RAD52: variants seen among roughly 807,000 people sequenced by gnomAD.
RAD52 encodes DNA repair protein RAD52 homolog.
In RAD52, 47 loss-of-function variants were observed where a neutral mutation model predicts 55.5. The observed-to-expected ratio is 0.85, with a 90% CI of 0.67 to 1.08. RAD52 has a LOEUF of 1.08. Ranked by LOEUF, RAD52 falls within the 50% of genes least tolerant of loss-of-function variation. The pLI is 0.00. For missense variants in RAD52, 468 were observed against 522.8 expected (o/e 0.90, Z 1.02); for synonymous variants, 184 against 198.9 (o/e 0.92, Z 0.63).
At chr12:984,197 T>A (rs539996435) in intron 1 of RAD52, among the ~76,000 whole-genome samples, 2 of 152,094 alleles carry the variant, frequency 1.3e-5, no homozygotes, top group Non-Finnish European at 2.9e-5. Context: ...TCTGTCTCTA[T>A]GAATTTTTTT....
At chr12:990,820 G>T (rs1959175647), upstream of RAD52, among the ~76,000 whole-genome samples, 1 of 152,010 alleles carries the variant, frequency 6.6e-6, no homozygotes, top group Non-Finnish European at 1.5e-5. Flanking sequence ...GGGAAGACAC[G>T]AAGCGGCTCC....
At chr12:965,824 T>C (rs1300047956) in intron 1 of RAD52, among the ~76,000 whole-genome samples, 1 of 151,932 alleles carries the variant, frequency 6.6e-6, no homozygotes, top group Non-Finnish European at 1.5e-5. Context: ...GTAGCTGGGA[T>C]TACACATATG....
At position 927,167 on chromosome 12, in the gene RAD52, C is replaced by T. The variant is rs1475062733; in HGVS notation, c.445G>A (p.Asp149Asn). The change falls in exon 6 of 12, where the codon GAC becomes AAC. Residue 149 changes from aspartate (D) to asparagine (N), a missense_variant. By Grantham distance (23) the Asp-to-Asn change is conservative. Transcript: ENST00000358495. Reference sequence around the variant, plus strand: ...CACCTGAGGGCTCGCTTCAGCCCGTCTGTCACCGCCTCCTTCCTTGCCTTC... The same window carrying T: ...CACCTGAGGGCTCGCTTCAGCCCGTTTGTCACCGCCTCCTTCCTTGCCTTC... ...LEKARKEAVTDGLKRALRSFG... is the reference protein window; with the variant it reads ...LEKARKEAVTNGLKRALRSFG... 5 of 1,614,064 alleles carry T rather than the reference C, an allele frequency of 3.1e-6. No individual in the cohort carries two copies. The highest frequency in any genetic ancestry group is 3.3e-5 in the Admixed American group (2 of 59,998).
chr12:949,248 C>T (rs1013443203), intron 1 of RAD52, among the ~76,000 whole-genome samples: 2 of 152,170 alleles, frequency 1.3e-5, no homozygotes, highest in African/African-American at 4.8e-5. Flanking sequence ...TGCAACTCAA[C>T]TTCGTTTAGC....
At chr12:936,568 C>T (rs927313789) in intron 1 of RAD52, among the ~76,000 whole-genome samples, 1 of 151,432 alleles carries the variant, frequency 6.6e-6, no homozygotes, top group African/African-American at 2.4e-5. Context: ...TCATAGCATA[C>T]TGTAACCTTG....
Position 916,699 on chromosome 12 carries a change from A to G in RAD52, c.665T>C (p.Val222Ala), listed in dbSNP as rs2154108868. 1 of 1,613,862 alleles carries G rather than the reference A, an allele frequency of 6.2e-7. No homozygotes were observed. Among genetic ancestry groups the G allele is most frequent in the Non-Finnish European group, 8.5e-7 (1 of 1,179,908 alleles). ...MALGHPQLQQ[V>A]TSPSRPSHAV... ...ATGGCTGGGTCTGGAAGGGGAGGTC[A>G]CCTGCTGCAGCTGTGGGTGTCCCAG... is the stretch of plus-strand genomic sequence containing the variant. Residue 222 changes from valine to alanine, a missense_variant, in exon 8 of 12, where the codon GTG (valine) becomes GCG (alanine). Transcript: ENST00000358495.
chr12:974,969 A>T (rs1051262681), intron 1 of RAD52: 1 of 152,214 alleles, frequency 6.6e-6, no homozygotes, highest in African/African-American at 2.4e-5. Flanking sequence ...AGTCACCCAC[A>T]GACAACCATG....
intron 5 of RAD52, among the ~76,000 whole-genome samples, chr12:929,204 G>A (rs1044023472): frequency 3.3e-5 from 5 of 152,030 alleles, no homozygotes; most frequent in Non-Finnish European, 5.9e-5. Context: ...ATTAAAACCA[G>A]TGGGGAAATA....
chr12:939,105 AGT>A lies in RAD52; in HGVS notation c.-18-6031_-18-6030del, dbSNP rs561846321. Among the ~76,000 whole-genome samples, 10 of 121,056 alleles carry A rather than the reference AGT, an allele frequency of 8.3e-5. No individual in the cohort carries two copies. In the East Asian group the frequency reaches 2.3e-3, roughly 28 times the overall value. 79.4% of individuals were successfully genotyped at this position (121,056 alleles called of 152,430 possible). On this transcript the variant is annotated intron_variant, in intron 1 of 11. Coordinates refer to ENST00000358495, the MANE Select transcript of RAD52 (RefSeq NM_134424.4). ...GTGTGTAGAGAGAGAGAAAAAGGCAAGTAGATAAAGCAAAAGTACAAATTTAT... is the reference window on the plus strand; with the variant it reads ...GTGTGTAGAGAGAGAGAAAAAGGCAAAGATAAAGCAAAAGTACAAATTTAT...
chr12:969,890 A>G (rs1163933516), intron 1 of RAD52, among the ~76,000 whole-genome samples: 1 of 152,102 alleles, frequency 6.6e-6, no homozygotes, highest in Admixed American at 6.6e-5. Context: ...GAGGTTTATC[A>G]GACAGCATTC....
At chr12:932,853 C>CCGCGTCA in intron 2 of RAD52, 122 bp downstream of exon 2, 1 of 680,358 alleles carries the variant, frequency 1.5e-6, no homozygotes, top group Non-Finnish European at 2.6e-6. Flanking sequence ...ACTGCTCACA[C>CCGCGTCA]ACGTACTAGG....
chr12:967,045 A>G (rs1254088241), intron 1 of RAD52, among the ~76,000 whole-genome samples: 2 of 152,044 alleles, frequency 1.3e-5, no homozygotes, highest in African/African-American at 4.8e-5. Flanking sequence ...TGAAGTATCT[A>G]TTTAATTTTA....
At position 916,484 on chromosome 12, in the gene RAD52, CTGCATGAGAG is replaced by C; in HGVS notation, c.726-11_726-2del. On this transcript the variant is annotated splice_acceptor_variant and splice_polypyrimidine_tract_variant and intron_variant, in intron 8 of 11. Transcript: ENST00000358495. LOFTEE classifies it high-confidence loss of function. Reference sequence around the variant, plus strand: ...CTCCACGGCGGATGAGCTCAGGCTTCTGCATGAGAGGGCGGCGGCGAGGACGGGCTCCTGA... The same window carrying C: ...CTCCACGGCGGATGAGCTCAGGCTTCGGCGGCGGCGAGGACGGGCTCCTGA... The C allele has an allele frequency of 6.2e-7, 1 of 1,607,624 alleles. No homozygotes were observed. The highest frequency in any genetic ancestry group is 8.5e-7 in the Non-Finnish European group (1 of 1,179,396).
At chr12:915,661 A>C (rs900438252) in intron 9 of RAD52, among the ~76,000 whole-genome samples, 3 of 152,184 alleles carry the variant, frequency 2.0e-5, no homozygotes, top group Non-Finnish European at 4.4e-5. Context: ...GTTATTCTCA[A>C]TCCCAATTTT....
At chr12:958,589 T>C (rs1286609780) in intron 1 of RAD52, among the ~76,000 whole-genome samples, 1 of 152,144 alleles carries the variant, frequency 6.6e-6, no homozygotes, top group Non-Finnish European at 1.5e-5. Flanking sequence ...ACTGTTGAAG[T>C]CATGTGAAAG....
intron 1 of RAD52, among the ~76,000 whole-genome samples, chr12:980,979 G>A (rs1959006817): frequency 6.6e-6 from 1 of 152,000 alleles, no homozygotes. Flanking sequence ...CCCAACAGCC[G>A]CAAAAGTCTT....
In RAD52 at chr12:932,960, A is replaced by G; in HGVS notation, c.84+15T>C. ...TTCACCTCATTCTTTCCCGGCATGA[A>G]GGAACCACAGTTACCTGTCCAAAGC... On this transcript the variant is annotated intron_variant, in intron 2 of 11. Transcript: ENST00000358495. 1 of 1,613,268 alleles carries G rather than the reference A, an allele frequency of 6.2e-7. No homozygotes were observed. The highest frequency in any genetic ancestry group is 8.5e-7 in the Non-Finnish European group (1 of 1,179,574).
chr12:950,350 T>C (rs1958493836), upstream of RAD52, among the ~76,000 whole-genome samples: 1 of 151,992 alleles, frequency 6.6e-6, no homozygotes, highest in Admixed American at 6.6e-5. Context: ...GGCGGGCTGA[T>C]CACGAGGTCA....
chr12:932,815 AC>A (rs1957396990), intron 2 of RAD52, among the ~76,000 whole-genome samples, 159 bp downstream of exon 2: 1 of 85,492 alleles, frequency 1.2e-5, no homozygotes, highest in African/African-American at 3.3e-5. Context: ...GGTACTGCTC[AC>A]ACACGTACTA....
Sources: allele counts gnomAD v4.1 joint callset (sites outside exome capture counted in the v4.1 genomes callset), GRCh38; gene constraint gnomAD v4.1.1; transcripts MANE v1.5; gene names NCBI Gene and HGNC (gene_info 2026-07-23, HGNC 2026-07-21).